Variants in SURF4 observed in about 807,000 individuals in gnomAD.
SURF4 encodes the protein surfeit 4, also known as surfeit locus protein 4.
SURF4 carries 3 observed loss-of-function variants against 30.0 expected under a neutral mutation model. That is an observed-to-expected ratio of 0.10 (90% CI 0.05 to 0.26). SURF4 has a LOEUF of 0.26. SURF4 is among the 10% of genes least tolerant of loss of function. SURF4 has a pLI of 1.00. For synonymous variants in SURF4, 143 were observed against 139.9 expected (o/e 1.02, Z -0.16); for missense variants, 217 against 350.8 (o/e 0.62, Z 3.05).
At chr9:133,368,603 G>T (rs999487275) in intron 1 of SURF4, among the ~76,000 whole-genome samples, 3 of 152,222 alleles carry the variant, frequency 2.0e-5, no homozygotes, top group African/African-American at 4.8e-5. Context: ...GCAATGAAAC[G>T]CAAGTGTGTG....
At chr9:133,372,342 G>A (rs1207500470) in intron 1 of SURF4, among the ~76,000 whole-genome samples, 1 of 152,250 alleles carries the variant, frequency 6.6e-6, no homozygotes, top group Non-Finnish European at 1.5e-5. Context: ...GGAAAGATCA[G>A]TCAACCAAGC....
chr9:133,368,471 C>T (rs2130159251), intron 1 of SURF4, among the ~76,000 whole-genome samples: 1 of 152,242 alleles, frequency 6.6e-6, no homozygotes, highest in Non-Finnish European at 1.5e-5. Flanking sequence ...GTGCAGCAAC[C>T]GTCAGCGCAG....
intron 1 of SURF4, chr9:133,375,427 T>C (rs931477016): frequency 4.1e-6 from 4 of 985,852 alleles, no homozygotes; most frequent in African/African-American, 3.5e-5. Flanking sequence ...TGGCTTCCTG[T>C]AGCTGGGGCG....
In SURF4 at chr9:133,366,606, G is replaced by C. The variant is rs2130129096; in HGVS notation, c.305C>G (p.Ala102Gly). The C allele has an allele frequency of 1.2e-6, 2 of 1,613,928 alleles. No individual in the cohort carries two copies. The highest frequency in any genetic ancestry group is 2.2e-5 in the South Asian group (2 of 91,076). ...ACCACGCGGCCCGTGTACCTGCAGA[G>C]CTATGATTCCAAAGAGCCCGAAGCA... ...YACFGLFGII[A>G]LQTIAYSILW... is the part of the protein sequence containing the mutation. The change falls in exon 3 of 6, where the codon GCT becomes GGT. Residue 102 changes from alanine to glycine, a missense_variant. By Grantham distance (60) the Ala-to-Gly change is moderately conservative. Transcript: ENST00000371989.
At chr9:133,369,718 T>C (rs2130172356) in intron 1 of SURF4, among the ~76,000 whole-genome samples, 1 of 152,172 alleles carries the variant, frequency 6.6e-6, no homozygotes, top group Non-Finnish European at 1.5e-5. Flanking sequence ...ATCACCCATA[T>C]TCCATGGAAG....
At chr9:133,372,301 G>A (rs2130195988) in intron 1 of SURF4, among the ~76,000 whole-genome samples, 5 of 152,228 alleles carry the variant, frequency 3.3e-5, no homozygotes, top group African/African-American at 1.2e-4. Context: ...CAGACTGCTC[G>A]TCCCCGTGGA....
chr9:133,376,430 G>A, upstream of SURF4: 2 of 1,510,940 alleles, frequency 1.3e-6, no homozygotes, highest in Non-Finnish European at 1.8e-6. Context: ...CACGCGGGGT[G>A]GGGCCAGGGG....
In SURF4 at chr9:133,371,116, C is replaced by G. The variant is rs2130186406; in HGVS notation, c.49-3671G>C. 5.7e-5 allele frequency: 56 copies of G among 985,344 alleles called. No individual in the cohort carries two copies. The African/African-American group carries it at 9.6e-4, about 17-fold the overall frequency. 61.0% of individuals were successfully genotyped at this position (985,344 alleles called of 1,614,324 possible). On this transcript the variant is annotated intron_variant, in intron 1 of 5. Coordinates refer to ENST00000371989, the MANE Select transcript of SURF4 (RefSeq NM_033161.4). ...AGCCACCTGCAGCTCCCACGCCACA[C>G]AGAAAACTCCACTTTCTCTTCACAC...
chr9:133,368,372 G>C (rs2130157563), intron 1 of SURF4, among the ~76,000 whole-genome samples: 1 of 152,228 alleles, frequency 6.6e-6, no homozygotes, highest in Non-Finnish European at 1.5e-5. Flanking sequence ...TCTGGACAGC[G>C]CATGTGTGCT....
upstream of SURF4, among the ~76,000 whole-genome samples, chr9:133,377,720 G>A (rs1255990753): frequency 1.3e-5 from 2 of 152,058 alleles, no homozygotes; most frequent in Non-Finnish European, 2.9e-5. Flanking sequence ...GACCAGTTTT[G>A]TGGAAGACAA....
chr9:133,365,057 A>C, intron 4 of SURF4, 31 bp from the exon 5 acceptor site: 2 of 1,490,902 alleles, frequency 1.3e-6, no homozygotes, highest in Non-Finnish European at 1.8e-6. Flanking sequence ...CTGGAAGCTA[A>C]GCCTCACCAG....
chr9:133,366,908 T>C, intron 2 of SURF4, among the ~76,000 whole-genome samples: 1 of 152,342 alleles, frequency 6.6e-6, no homozygotes, highest in South Asian at 2.1e-4. Flanking sequence ...AAGAATGGGC[T>C]GTTTCCCACA....
intron 1 of SURF4, chr9:133,375,136 C>G: frequency 1.2e-6 from 1 of 815,286 alleles, no homozygotes; most frequent in Non-Finnish European, 1.5e-6. Context: ...GAGTTGTGTC[C>G]CTTCACTTTG....
At chr9:133,367,186 C>T (rs2130136572) in intron 2 of SURF4, 73 bp downstream of exon 2, 46 of 1,551,314 alleles carry the variant, frequency 3.0e-5, no homozygotes, top group African/African-American at 5.4e-5. Flanking sequence ...CGAGTTCACA[C>T]ACAGCCTCCC....
At chr9:133,375,516 C>G (rs1049637007) in intron 1 of SURF4, 2 of 717,578 alleles carry the variant, frequency 2.8e-6, no homozygotes, top group African/African-American at 1.9e-5. Context: ...CCTCCGGGAG[C>G]CCCAGTGAGA....
chr9:133,376,080 T>C (rs1462405635), upstream of SURF4: 2 of 1,202,282 alleles, frequency 1.7e-6, no homozygotes, highest in Non-Finnish European at 2.1e-6. Flanking sequence ...CCGGCCTCGC[T>C]CCGCGTCGGC....
Position 133,363,272 on chromosome 9 carries a change from T to A in SURF4, c.*221A>T. On this transcript the variant is annotated 3_prime_UTR_variant, in exon 6 of 6. Coordinates refer to ENST00000371989, the MANE Select transcript of SURF4 (RefSeq NM_033161.4). This position sits in a 1 kb window ranked among gnomAD's most constrained non-coding sequence, Gnocchi z 4.3. ...TGGGGGAGGCTTCCAGCTGCCAGGC[T>A]GGCCTGCACTGAAGGGTCAGACGCC... The A allele has an allele frequency of 3.8e-6, 3 of 783,322 alleles. No homozygotes were observed. Among genetic ancestry groups the A allele is most frequent in the Non-Finnish European group, 6.5e-6 (3 of 461,606 alleles). 48.5% of individuals were successfully genotyped at this position (783,322 alleles called of 1,614,324 possible). A position where few individuals can be genotyped will look rare whatever the true frequency, so the allele number is the denominator to read the frequency against.
In SURF4 at chr9:133,363,748, G is replaced by A. The variant is rs1450694401; in HGVS notation, c.555C>T (p.Asn185=). The A allele has an allele frequency of 6.2e-7, 1 of 1,614,032 alleles. No homozygotes were observed. The highest frequency in any genetic ancestry group is 8.5e-7 in the Non-Finnish European group (1 of 1,180,032). ...FDASFFSIVQ[N]IVGTALMILV... ...AAATCATCAGAGCTGTGCCCACGAT[G>A]TTCTGGACAATCTGCATAGGTTGAA... Residue 185 remains asparagine, a synonymous_variant, in exon 6 of 6, where the codon AAC becomes AAT. Transcript: ENST00000371989. This position sits in a 1 kb window ranked among gnomAD's most constrained non-coding sequence, Gnocchi z 4.3.
At chr9:133,372,250 C>G (rs1360491276) in intron 1 of SURF4, among the ~76,000 whole-genome samples, 2 of 152,232 alleles carry the variant, frequency 1.3e-5, no homozygotes, top group Non-Finnish European at 2.9e-5. Flanking sequence ...GGCAGAGAGA[C>G]AAGAGATGCA....
Sources: gnomAD v4.1 joint callset for allele counts (sites outside exome capture counted in the v4.1 genomes callset) on GRCh38, gnomAD v4.1.1 for gene constraint, Gnocchi (gnomAD v3.1) non-coding constraint, MANE v1.5 for transcripts, NCBI Gene and HGNC (gene_info 2026-07-23, HGNC 2026-07-21) for gene names.